Variants in CEP57L1 observed in about 807,000 individuals in gnomAD.
CEP57L1 encodes the protein centrosomal protein CEP57L1.
Under a neutral mutation model 61.0 loss-of-function variants are expected in CEP57L1, and 37 were observed. That is an observed-to-expected ratio of 0.61 (90% CI 0.47 to 0.80). The LOEUF (loss-of-function observed/expected upper bound fraction) is 0.80, where lower values mean the gene tolerates loss of function less well. Among genes scored for constraint, CEP57L1 ranks in the 30% least tolerant of loss-of-function variants. CEP57L1 has a pLI of 0.00. For synonymous variants in CEP57L1, 137 were observed against 162.3 expected, an observed-to-expected ratio of 0.84 and a Z score of 1.19; for missense variants, 422 against 524.7, an observed-to-expected ratio of 0.80 and a Z score of 1.91.
Position 109,173,455 on chromosome 6 carries a change from G to A in CEP57L1, c.*10485G>A, listed in dbSNP as rs925078599. On this transcript the variant is annotated 3_prime_UTR_variant, in exon 11 of 11. Coordinates refer to ENST00000517392, the MANE Select transcript of CEP57L1 (RefSeq NM_001271852.3). Reference sequence around the variant, plus strand: ...TTTTTTTTTTTCTTTTCAGGGTCTTGTTCTGTCACCCAGGCTGGAGTGGAG... The same window carrying A: ...TTTTTTTTTTTCTTTTCAGGGTCTTATTCTGTCACCCAGGCTGGAGTGGAG... Among the ~76,000 whole-genome samples the A allele has an allele frequency of 8.7e-6, 1 of 114,406 alleles. No homozygotes were observed. Among genetic ancestry groups the A allele is most frequent in the Non-Finnish European group, 1.7e-5 (1 of 57,664 alleles). 75.1% of individuals were successfully genotyped at this position (114,406 alleles called of 152,430 possible).
At chr6:109,127,984 T>G (rs1026441563) in intron 1 of CEP57L1, among the ~76,000 whole-genome samples, 3 of 152,144 alleles carry the variant, frequency 2.0e-5, no homozygotes, top group African/African-American at 7.2e-5. Flanking sequence ...TGAGGAGGAC[T>G]AACAATGGTT....
intron 1 of CEP57L1, among the ~76,000 whole-genome samples, chr6:109,097,575 A>G (rs1409767546): frequency 6.6e-6 from 1 of 152,172 alleles, no homozygotes; most frequent in Non-Finnish European, 1.5e-5. Context: ...CCTTTTATAT[A>G]ACAGGACATT....
chr6:109,155,091 C>T (rs1773080497), intron 5 of CEP57L1, 139 bp from the exon 6 acceptor site: 1 of 433,032 alleles, frequency 2.3e-6, no homozygotes, highest in Non-Finnish European at 4.2e-6. Context: ...ACATCTTGTG[C>T]CATTCCTTTT....
chr6:109,133,156 C>T (rs1313862945), intron 1 of CEP57L1, among the ~76,000 whole-genome samples: 1 of 152,034 alleles, frequency 6.6e-6, no homozygotes, highest in African/African-American at 2.4e-5. Context: ...CTTATGTTGT[C>T]TCATTTAATC....
chr6:109,111,202 T>C (rs956511944), intron 1 of CEP57L1, among the ~76,000 whole-genome samples: 2 of 152,190 alleles, frequency 1.3e-5, no homozygotes. Context: ...CTTATTTCCT[T>C]GAGCAGTGGT....
In CEP57L1 at chr6:109,170,070, A is replaced by G. The variant is rs1320881577; in HGVS notation, c.*7100A>G. On this transcript the variant is annotated 3_prime_UTR_variant, in exon 11 of 11. Transcript: ENST00000517392. ...CCTATTTAATAGATTTCTTATAACC[A>G]TATCAGCAAAGCCACTCTGCTCTGG... Among the ~76,000 whole-genome samples the G allele has an allele frequency of 2.0e-5, 3 of 152,158 alleles. No individual in the cohort carries two copies. Among genetic ancestry groups the G allele is most frequent in the Non-Finnish European group, 4.4e-5 (3 of 68,026 alleles).
chr6:109,138,055 A>G (rs1770933360), intron 1 of CEP57L1, among the ~76,000 whole-genome samples: 1 of 152,220 alleles, frequency 6.6e-6, no homozygotes, highest in African/African-American at 2.4e-5. Flanking sequence ...TGACTATTAC[A>G]GAAACAGTGG....
chr6:109,144,733 A>T (rs1292938023), intron 1 of CEP57L1, among the ~76,000 whole-genome samples: 1 of 152,148 alleles, frequency 6.6e-6, no homozygotes, highest in African/African-American at 2.4e-5. Context: ...CCGATATTTC[A>T]TATATCCAAA....
At position 109,123,139 on chromosome 6, in the gene CEP57L1, CTA is replaced by C. The variant is rs1773167270; in HGVS notation, c.-3-22076_-3-22075del. ...AAGGACCACACTTAGACTGCATACTCTATATCTAACTCAGTACTCATGGCTTC... is the reference window on the plus strand; with the variant it reads ...AAGGACCACACTTAGACTGCATACTCTATCTAACTCAGTACTCATGGCTTC... On this transcript the variant is annotated intron_variant, in intron 1 of 10. Coordinates refer to ENST00000517392, the MANE Select transcript of CEP57L1 (RefSeq NM_001271852.3). Among the ~76,000 whole-genome samples the C allele has an allele frequency of 2.0e-5, 3 of 152,142 alleles. No individual in the cohort carries two copies. The South Asian group carries it at 6.2e-4, about 32-fold the overall frequency.
chr6:109,127,183 A>C (rs1217534897), intron 1 of CEP57L1, among the ~76,000 whole-genome samples: 3 of 152,146 alleles, frequency 2.0e-5, no homozygotes, highest in East Asian at 1.9e-4. Context: ...CAAAACAAAA[A>C]AAACCAAAAA....
chr6:109,152,155 T>C (rs1772681602), intron 4 of CEP57L1, among the ~76,000 whole-genome samples: 1 of 152,184 alleles, frequency 6.6e-6, no homozygotes, highest in Non-Finnish European at 1.5e-5. Flanking sequence ...TTGTTTTTGG[T>C]TTTGTTTTAA....
intron 5 of CEP57L1, among the ~76,000 whole-genome samples, chr6:109,154,903 A>G (rs1241573421): frequency 6.6e-6 from 1 of 152,050 alleles, no homozygotes; most frequent in Non-Finnish European, 1.5e-5. Context: ...CAAGACTATA[A>G]TTGTTTGACC....
At position 109,159,382 on chromosome 6, in the gene CEP57L1, C is replaced by T. The variant is rs1773525153; in HGVS notation, c.936C>T (p.Asp312=). The T allele has an allele frequency of 1.9e-6, 3 of 1,613,876 alleles. No homozygotes were observed. The highest frequency in any genetic ancestry group is 2.2e-5 in the East Asian group (1 of 44,882). The part of the protein sequence containing the change: ...TTSWCKAIPP[D]SEKSISICDN... ...CCTGGTGTAAAGCTATTCCTCCTGA[C>T]TCAGAAAAGTCCATTTCCATTTGTG... Residue 312 remains aspartate, a synonymous_variant, in exon 9 of 11, where the codon GAC becomes GAT. Coordinates refer to ENST00000517392, the MANE Select transcript of CEP57L1 (RefSeq NM_001271852.3).
intron 1 of CEP57L1, among the ~76,000 whole-genome samples, chr6:109,102,426 T>G (rs1397060741): frequency 6.6e-6 from 1 of 152,246 alleles, no homozygotes; most frequent in Non-Finnish European, 1.5e-5. Context: ...ACCTGCATTT[T>G]GTAAATATTT....
At position 109,167,256 on chromosome 6, in the gene CEP57L1, G is replaced by C. The variant is rs1016027489; in HGVS notation, c.*4286G>C. On this transcript the variant is annotated 3_prime_UTR_variant, in exon 11 of 11. Transcript: ENST00000517392. ...AGACATAGAAAAATTATAAATTTAA[G>C]CCTTAAAATAATGTCTGGGCCAGAG... Among the ~76,000 whole-genome samples, 2 of 151,626 alleles carry C rather than the reference G, an allele frequency of 1.3e-5. No individual in the cohort carries two copies. Among genetic ancestry groups the C allele is most frequent in the African/African-American group, 2.4e-5 (1 of 41,234 alleles).
At chr6:109,095,320 AG>A (rs1329068823), upstream of CEP57L1, 19 of 985,884 alleles carry the variant, frequency 1.9e-5, no homozygotes, top group Non-Finnish European at 2.2e-5. Context: ...GAGGGCGCGA[AG>A]GGACTCCTGG....
At position 109,112,018 on chromosome 6, in the gene CEP57L1, T is replaced by G. The variant is rs934707189; in HGVS notation, c.-4+16443T>G. Among the ~76,000 whole-genome samples the G allele has an allele frequency of 5.9e-5, 9 of 152,218 alleles. 1 individual carries two copies. Among genetic ancestry groups the G allele is most frequent in the Admixed American group, 5.2e-4 (8 of 15,288 alleles). On this transcript the variant is annotated intron_variant, in intron 1 of 10. Transcript: ENST00000517392. ...GTTGTGTCTCTGCCAGGTTTTGGTATCAGGATGATCCTGGCCTCATAAATG... is the reference window on the plus strand; with the variant it reads ...GTTGTGTCTCTGCCAGGTTTTGGTAGCAGGATGATCCTGGCCTCATAAATG...
Position 109,167,144 on chromosome 6 carries a change from G to C in CEP57L1, c.*4174G>C, listed in dbSNP as rs550694595. On this transcript the variant is annotated 3_prime_UTR_variant, in exon 11 of 11. Transcript: ENST00000517392. The stretch of plus-strand genomic sequence containing the variant: ...TTAAATAGACCTTCTCAATGCCTCA[G>C]CCTTTTTCTTCATATTCCATCTACT... Among the ~76,000 whole-genome samples the C allele has an allele frequency of 1.4e-4, 21 of 152,250 alleles. No individual in the cohort carries two copies. The highest frequency in any genetic ancestry group is 5.1e-4 in the African/African-American group (21 of 41,542).
rs184993521 is a variant in CEP57L1, at chr6:109,169,802, T to C, written c.*6832T>C. ...AAAAACTATCTGCATGTCTCCAATC[T>C]GAAGAGAGCAAAGATCTGTTATTTG... On this transcript the variant is annotated 3_prime_UTR_variant, in exon 11 of 11. Coordinates refer to ENST00000517392, the MANE Select transcript of CEP57L1 (RefSeq NM_001271852.3). Among the ~76,000 whole-genome samples the C allele has an allele frequency of 2.1e-3, 319 of 152,328 alleles. 1 individual carries two copies. Among genetic ancestry groups the C allele is most frequent in the African/African-American group, 7.2e-3 (301 of 41,592 alleles).
Sources: gnomAD v4.1 joint callset for allele counts (sites outside exome capture counted in the v4.1 genomes callset) on GRCh38, gnomAD v4.1.1 for gene constraint, MANE v1.5 for transcripts, NCBI Gene and HGNC (gene_info 2026-07-23, HGNC 2026-07-21) for gene names.